The following AVIL variants were observed in gnomAD, a reference collection of about 807,000 sequenced individuals.
AVIL encodes the protein advillin.
A neutral mutation model predicts 109.9 loss-of-function variants in AVIL; 78 were observed. That is an observed-to-expected ratio of 0.71 (90% confidence interval 0.59 to 0.86). The LOEUF is 0.86. Among genes scored for constraint, AVIL ranks in the 40% least tolerant of loss-of-function variants. The probability of loss-of-function intolerance (pLI) is 0.00; values close to 1 mark genes in which losing one functional copy is unlikely to be tolerated. For missense variants in AVIL, 892 were observed against 1,016.5 expected, an observed-to-expected ratio of 0.88 and a Z score of 1.67; for synonymous variants, 367 against 379.1, an observed-to-expected ratio of 0.97 and a Z score of 0.37.
chr12:57,799,667 C>G, intron 19 of AVIL, 128 bp downstream of exon 19: 1 of 1,359,308 alleles, frequency 7.4e-7, no homozygotes, highest in Non-Finnish European at 1.0e-6. Flanking sequence ...GGTTTGAGTT[C>G]CTAGGTAGCT....
chr12:57,812,147 C>A (rs184169161), intron 4 of AVIL, among the ~76,000 whole-genome samples: 2 of 152,192 alleles, frequency 1.3e-5, no homozygotes, highest in Admixed American at 1.3e-4. Context: ...ACCCTCAGCC[C>A]ATGGAGTAGC....
intron 14 of AVIL, among the ~76,000 whole-genome samples, chr12:57,805,390 T>C (rs373602780): frequency 7.9e-5 from 12 of 152,234 alleles, no homozygotes; most frequent in African/African-American, 2.9e-4. Flanking sequence ...GCAATATGAA[T>C]TGACATCATA....
rs766666618 is a variant in AVIL at position 57,811,073 on chromosome 12, G to A, written c.393C>T (p.Tyr131=). 33 of 1,614,038 alleles carry A rather than the reference G, an allele frequency of 2.0e-5. No individual in the cohort carries two copies. The highest frequency in any genetic ancestry group is 2.0e-4 in the South Asian group (18 of 91,084). ...TCACATGTAGCAGCCGCTTCACGTC[G>A]TAGGTATTGGTCTCCACGTGCTTCA... ...SGMKHVETNT[Y]DVKRLLHVKG... The change falls in exon 5 of 20, where the codon TAC becomes TAT. Residue 131 remains tyrosine (Y), a synonymous_variant. Coordinates refer to ENST00000549994, the MANE Select transcript of AVIL (RefSeq NM_006576.4).
intron 2 of AVIL, chr12:57,815,531 A>G: frequency 1.0e-5 from 12 of 1,190,460 alleles, no homozygotes; most frequent in Non-Finnish European, 1.3e-5. Flanking sequence ...CCCAAGCCCA[A>G]GAGGAGACGG....
chr12:57,813,165 CT>C, intron 4 of AVIL, 61 bp downstream of exon 4: 2 of 1,522,032 alleles, frequency 1.3e-6, no homozygotes, highest in Non-Finnish European at 1.8e-6. Flanking sequence ...GCATGTTGGC[CT>C]TTTGGGTTTC....
chr12:57,808,054 G>A, intron 11 of AVIL, 140 bp downstream of exon 11: 1 of 995,086 alleles, frequency 1.0e-6, no homozygotes, highest in South Asian at 1.3e-5. Flanking sequence ...AGACTCACAA[G>A]ACTCTTAAAG....
Position 57,801,269 on chromosome 12 carries a change from C to T in AVIL, c.2152-57G>A, listed in dbSNP as rs115591059. 1,561 of 1,432,072 alleles carry T rather than the reference C, an allele frequency of 1.1e-3. 22 individuals are homozygous for T. In the African/African-American group the frequency reaches 0.019, roughly 18 times the overall value. The allele number at this position is 1,432,072 out of a possible 1,614,324, so 88.7% of individuals were successfully genotyped here. Reference sequence around the variant, plus strand: ...GGTCTTTCTTATAGGGGAGGGACATCTTAGGTCTGGTCTGTGTCTTCAGGA... The same window carrying T: ...GGTCTTTCTTATAGGGGAGGGACATTTTAGGTCTGGTCTGTGTCTTCAGGA... On this transcript the variant is annotated intron_variant, in intron 17 of 19. Coordinates refer to ENST00000549994, the MANE Select transcript of AVIL (RefSeq NM_006576.4).
At chr12:57,803,722 T>C in intron 14 of AVIL, 53 bp from the exon 15 acceptor site, 2 of 1,590,926 alleles carry the variant, frequency 1.3e-6, no homozygotes, top group Non-Finnish European at 8.6e-7. Context: ...GGCACTTCGA[T>C]GTGGAAAGAA....
intron 10 of AVIL, 24 bp from the exon 11 acceptor site, chr12:57,808,318 G>A: frequency 6.2e-7 from 1 of 1,614,188 alleles, no homozygotes; most frequent in Non-Finnish European, 8.5e-7. Context: ...GTTGGGAAAA[G>A]CCGAGTGAGT....
chr12:57,810,628 A>G lies in AVIL; in HGVS notation c.559-77T>C, dbSNP rs1655388264. 3.9e-6 allele frequency: 6 copies of G among 1,538,718 alleles called. No homozygotes were observed. In the Admixed American group the frequency reaches 1.0e-4, roughly 27 times the overall value. On this transcript the variant is annotated intron_variant, in intron 6 of 19. Transcript: ENST00000549994. ...CTGATGTCTTTGGGGAGAACAGCCT[A>G]GATCCCAGACACAGGAGTTACTTGG...
intron 9 of AVIL, 119 bp downstream of exon 9, chr12:57,809,478 T>C (rs561313937): frequency 5.1e-6 from 6 of 1,169,312 alleles, no homozygotes; most frequent in East Asian, 4.9e-5. Flanking sequence ...GACTTTGCAG[T>C]CCATGTACGT....
intron 13 of AVIL, 163 bp from the exon 14 acceptor site, chr12:57,806,702 TAAC>T (rs576256531): frequency 7.8e-5 from 53 of 678,822 alleles, no homozygotes; most frequent in South Asian, 6.3e-4. Flanking sequence ...ATGTCACCGA[TAAC>T]AACAACTTTC....
intron 14 of AVIL, 98 bp downstream of exon 14, chr12:57,806,262 C>G (rs1433168898): frequency 7.1e-7 from 1 of 1,399,510 alleles, no homozygotes; most frequent in Non-Finnish European, 1.0e-6. Context: ...AGCAAGCACT[C>G]CAGCCTACTC....
intron 2 of AVIL, among the ~76,000 whole-genome samples, chr12:57,815,241 C>T (rs973945552): frequency 1.5e-4 from 23 of 152,336 alleles, no homozygotes; most frequent in Non-Finnish European, 2.4e-4. Context: ...CGTGAGCCAC[C>T]GCACCCCGCC....
chr12:57,797,790 T>A lies in AVIL; in HGVS notation c.*92A>T, dbSNP rs1290989384. ...ATTATATCTAAATTAAGTAGCTGAA[T>A]GTCAGGCAGAAATTGGTGGATAAAT... is the stretch of plus-strand genomic sequence containing the variant. On this transcript the variant is annotated 3_prime_UTR_variant, in exon 20 of 20. Transcript: ENST00000549994. The A allele has an allele frequency of 1.9e-6, 2 of 1,032,070 alleles. No homozygotes were observed. The highest frequency in any genetic ancestry group is 2.7e-6 in the Non-Finnish European group (2 of 744,648). The allele number at this position is 1,032,070 out of a possible 1,614,324, so 63.9% of individuals were successfully genotyped here. A position where few individuals can be genotyped will look rare whatever the true frequency, so the allele number is the denominator to read the frequency against.
At position 57,813,443 on chromosome 12, in the gene AVIL, A is replaced by G. The variant is rs1340858742; in HGVS notation, c.142-20T>C. On this transcript the variant is annotated intron_variant, in intron 3 of 19. Transcript: ENST00000549994. ...CCGGGTCTGGGAGGTAGTCAGAGAG[A>G]TCAGGTCAGAGGCCAGCTCACCTCC... 2 of 1,609,392 alleles carry G rather than the reference A, an allele frequency of 1.2e-6. No homozygotes were observed. Among genetic ancestry groups the G allele is most frequent in the African/African-American group, 2.7e-5 (2 of 74,800 alleles).
Position 57,810,485 on chromosome 12 carries a change from C to G in AVIL, c.625G>C (p.Glu209Gln). ...GGGCTGGCTGCCTCCTTGTCTCCCT[C>G]GATCACTCCTATTTTAGCACGGCCC... is the stretch of plus-strand genomic sequence containing the variant. Reference protein sequence around the residue: ...RGGRAKIGVIEGDKEAASPEL... With the variant: ...RGGRAKIGVIQGDKEAASPEL... The change falls in exon 7 of 20, where the codon GAG becomes CAG. Residue 209 changes from glutamate (E) to glutamine (Q), a missense_variant. Transcript: ENST00000549994. 1 of 1,614,158 alleles carries G rather than the reference C, an allele frequency of 6.2e-7. No homozygotes were observed. The highest frequency in any genetic ancestry group is 8.5e-7 in the Non-Finnish European group (1 of 1,180,036).
intron 16 of AVIL, among the ~76,000 whole-genome samples, chr12:57,802,941 C>T (rs1222630849): frequency 1.3e-5 from 2 of 152,208 alleles, no homozygotes; most frequent in Non-Finnish European, 2.9e-5. Context: ...CCCATATCCT[C>T]TGCATGTGGA....
At chr12:57,798,683 C>G (rs1955784293) in intron 19 of AVIL, among the ~76,000 whole-genome samples, 1 of 150,872 alleles carries the variant, frequency 6.6e-6, no homozygotes, top group East Asian at 2.0e-4. Flanking sequence ...GTGGCACAAT[C>G]TCGGCTCACT....
Sources: gnomAD v4.1 joint callset for allele counts (sites outside exome capture counted in the v4.1 genomes callset) on GRCh38, gnomAD v4.1.1 for gene constraint, MANE v1.5 for transcripts, NCBI Gene and HGNC (gene_info 2026-07-23, HGNC 2026-07-21) for gene names.